The following DTWD2 variants were observed in gnomAD, a reference collection of about 807,000 sequenced individuals.
DTWD2 encodes tRNA-uridine aminocarboxypropyltransferase 2.
DTWD2 carries 39 observed loss-of-function variants against 31.8 expected under a neutral mutation model. The observed-to-expected ratio is 1.22, with a 90% CI of 0.95 to 1.60. The LOEUF (loss-of-function observed/expected upper bound fraction) is 1.60. Ranked by LOEUF, DTWD2 falls within the 40% of genes most tolerant of loss-of-function variation. The pLI is 0.00. For synonymous variants in DTWD2, 180 were observed against 142.8 expected (o/e 1.26, Z -1.86); for missense variants, 515 against 381.5 (o/e 1.35, Z -2.92).
chr5:118,938,566 T>C (rs568770190), intron 3 of DTWD2, among the ~76,000 whole-genome samples: 1 of 152,200 alleles, frequency 6.6e-6, no homozygotes, highest in East Asian at 1.9e-4. Flanking sequence ...AATAATTTAC[T>C]GGCCAGGCCC....
At chr5:118,842,335 C>T (rs1037589938) in intron 5 of DTWD2, among the ~76,000 whole-genome samples, 6 of 152,134 alleles carry the variant, frequency 3.9e-5, no homozygotes, top group African/African-American at 1.4e-4. Flanking sequence ...TTGGATGGGG[C>T]TTCTAGAGAT....
At chr5:118,842,946 T>G (rs112438728) in intron 5 of DTWD2, among the ~76,000 whole-genome samples, 63 of 146,236 alleles carry the variant, frequency 4.3e-4, no homozygotes, top group African/African-American at 1.5e-3. Flanking sequence ...GAAACTTTCT[T>G]CTTCCTCTTT....
At chr5:118,911,070 T>C (rs1235125579) in intron 4 of DTWD2, among the ~76,000 whole-genome samples, 1 of 152,092 alleles carries the variant, frequency 6.6e-6, no homozygotes, top group Non-Finnish European at 1.5e-5. Flanking sequence ...GCACCATATA[T>C]CTGATCATGA....
At chr5:118,851,109 T>C (rs957217784) in intron 4 of DTWD2, among the ~76,000 whole-genome samples, 1 of 149,990 alleles carries the variant, frequency 6.7e-6, no homozygotes, top group African/African-American at 2.5e-5. Context: ...TAGCTGGGCA[T>C]GGTGGTACAC....
chr5:118,883,432 G>A (rs992418095), intron 4 of DTWD2, among the ~76,000 whole-genome samples: 17 of 152,210 alleles, frequency 1.1e-4, no homozygotes, highest in African/African-American at 4.1e-4. Flanking sequence ...CACATTTTCA[G>A]ATTATCTTTA....
At chr5:118,963,836 T>C (rs1419812646) in intron 1 of DTWD2, among the ~76,000 whole-genome samples, 3 of 152,214 alleles carry the variant, frequency 2.0e-5, no homozygotes. Context: ...CCTGTGTTTC[T>C]TCCCTTAAAG....
intron 4 of DTWD2, among the ~76,000 whole-genome samples, chr5:118,917,439 T>C (rs1753602440): frequency 6.6e-6 from 1 of 152,186 alleles, no homozygotes; most frequent in African/African-American, 2.4e-5. Context: ...TGCACCTATG[T>C]TCAAATGCAA....
intron 2 of DTWD2, among the ~76,000 whole-genome samples, chr5:118,940,709 G>T (rs922301217): frequency 6.6e-6 from 1 of 152,136 alleles, no homozygotes; most frequent in Non-Finnish European, 1.5e-5. Context: ...GAAACACAGA[G>T]ATGTTAATTA....
At chr5:118,972,515 G>A (rs886985709) in intron 1 of DTWD2, among the ~76,000 whole-genome samples, 3 of 152,132 alleles carry the variant, frequency 2.0e-5, no homozygotes, top group African/African-American at 7.2e-5. Context: ...CCCAGGAAAG[G>A]ATGAATTTAC....
intron 1 of DTWD2, among the ~76,000 whole-genome samples, chr5:118,980,510 T>C (rs993821931): frequency 2.6e-5 from 4 of 152,194 alleles, no homozygotes; most frequent in Admixed American, 6.5e-5. Flanking sequence ...AGGACTTGAA[T>C]AGACATTTTT....
intron 3 of DTWD2, among the ~76,000 whole-genome samples, chr5:118,934,272 T>TAAAAAAAAA (rs397999089): frequency 4.2e-5 from 1 of 23,562 alleles, no homozygotes; most frequent in African/African-American, 1.7e-4. Flanking sequence ...TTGTCTCCAT[T>TAAAAAAAAA]AAAAAAAAAA....
chr5:118,984,927 CT>C (rs1260832158), intron 1 of DTWD2, among the ~76,000 whole-genome samples: 1 of 152,086 alleles, frequency 6.6e-6, no homozygotes, highest in Non-Finnish European at 1.5e-5. Context: ...CATCCAGTTG[CT>C]TTTTTTATAA....
intron 3 of DTWD2, among the ~76,000 whole-genome samples, chr5:118,932,454 T>C (rs1401671496): frequency 1.3e-5 from 2 of 150,750 alleles, no homozygotes; most frequent in Non-Finnish European, 3.0e-5. Context: ...ACAGAAAAAA[T>C]CAATGAAATC....
intron 4 of DTWD2, among the ~76,000 whole-genome samples, chr5:118,897,535 A>G (rs1305443212): frequency 6.6e-6 from 1 of 152,218 alleles, no homozygotes; most frequent in Non-Finnish European, 1.5e-5. Flanking sequence ...TTTACCATTT[A>G]CATTCTCAGA....
chr5:118,841,178 T>A, intron 5 of DTWD2, 91 bp from the exon 6 acceptor site: 3 of 1,423,882 alleles, frequency 2.1e-6, no homozygotes, highest in Non-Finnish European at 1.9e-6. Context: ...AGTTACTATG[T>A]TTCTTTTATT....
intron 4 of DTWD2, among the ~76,000 whole-genome samples, chr5:118,887,388 T>C (rs1030462296): frequency 6.6e-6 from 1 of 152,042 alleles, no homozygotes; most frequent in Admixed American, 6.5e-5. Context: ...CAGGTTTTGA[T>C]TGTTTGGGAA....
intron 4 of DTWD2, among the ~76,000 whole-genome samples, chr5:118,913,620 C>A (rs1753509330): frequency 6.6e-6 from 1 of 151,842 alleles, no homozygotes; most frequent in South Asian, 2.1e-4. Context: ...TGAATGAAAT[C>A]TTTGTATCTT....
chr5:118,876,982 A>G (rs1752635408), intron 4 of DTWD2, among the ~76,000 whole-genome samples: 1 of 152,218 alleles, frequency 6.6e-6, no homozygotes, highest in South Asian at 2.1e-4. Context: ...TGCCTAACAC[A>G]ATACTGGAAA....
At chr5:118,971,048 A>T (rs921546541) in intron 1 of DTWD2, among the ~76,000 whole-genome samples, 2 of 152,240 alleles carry the variant, frequency 1.3e-5, no homozygotes, top group African/African-American at 4.8e-5. Flanking sequence ...AAGTACGCAA[A>T]TCAGTGACAC....
Sources: gnomAD v4.1 joint callset for allele counts (sites outside exome capture counted in the v4.1 genomes callset) on GRCh38, gnomAD v4.1.1 for gene constraint, MANE v1.5 for transcripts, NCBI Gene and HGNC (gene_info 2026-07-23, HGNC 2026-07-21) for gene names.